The following FRA10AC1 variants were observed in gnomAD, a reference collection of about 807,000 sequenced individuals.
FRA10AC1 encodes the protein protein FRA10AC1.
In FRA10AC1, 43 loss-of-function variants were observed where a neutral mutation model predicts 56.5. The observed-to-expected ratio is 0.76, with a 90% CI of 0.60 to 0.98. The LOEUF is 0.98. Ranked by LOEUF, FRA10AC1 falls within the 50% of genes least tolerant of loss-of-function variation. The probability of loss-of-function intolerance (pLI) is 0.00; values close to 1 mark genes in which losing one functional copy is unlikely to be tolerated. For missense variants in FRA10AC1, 346 were observed against 351.8 expected (o/e 0.98, Z 0.13); for synonymous variants, 112 against 110.5 (o/e 1.01, Z -0.09).
chr10:93,681,171 A>G (rs1479464593), intron 11 of FRA10AC1, among the ~76,000 whole-genome samples: 1 of 152,174 alleles, frequency 6.6e-6, no homozygotes, highest in African/African-American at 2.4e-5. Context: ...CACATAAGAA[A>G]AATAAAGCAG....
In FRA10AC1 at chr10:93,669,839, T is replaced by C; in HGVS notation, c.935A>G (p.Asp312Gly). ...CTCTCTCTCGTCTCATAGAAACAAA[T>C]CCTGAAAATACTCATCAAATTCTTC... Reference protein sequence around the residue: ...QEEEFDEYFQDLFL With the variant: ...QEEEFDEYFQGLFL Residue 312 changes from aspartate to glycine, a missense_variant, in exon 14 of 14, where the codon GAT becomes GGT. Coordinates refer to ENST00000359204, the MANE Select transcript of FRA10AC1 (RefSeq NM_145246.5). 6.3e-7 allele frequency: 1 copy of C among 1,582,380 alleles called. No individual in the cohort carries two copies. The highest frequency in any genetic ancestry group is 1.1e-5 in the South Asian group (1 of 87,192).
At chr10:93,699,488 C>G (rs1225046993) in intron 2 of FRA10AC1, among the ~76,000 whole-genome samples, 5 of 152,156 alleles carry the variant, frequency 3.3e-5, no homozygotes, top group South Asian at 4.2e-4. Flanking sequence ...AGCAGCTCCA[C>G]CAAGACGTAT....
chr10:93,676,569 T>C lies in FRA10AC1; in HGVS notation c.826+84A>G. The C allele has an allele frequency of 3.5e-6, 5 of 1,442,076 alleles. No homozygotes were observed. In the South Asian group the frequency reaches 5.8e-5, roughly 17 times the overall value. The allele number at this position is 1,442,076 out of a possible 1,614,324, so 89.3% of individuals were successfully genotyped here. On this transcript the variant is annotated intron_variant, in intron 12 of 13. Transcript: ENST00000359204. ...TAACAAAAACAAAAAATAATTCACA[T>C]CACAGCAAGATACGATTCATGGGAA... is the stretch of plus-strand genomic sequence containing the variant.
intron 2 of FRA10AC1, among the ~76,000 whole-genome samples, chr10:93,699,548 A>G: frequency 6.6e-6 from 1 of 152,194 alleles, no homozygotes; most frequent in Admixed American, 6.5e-5. Flanking sequence ...TGTCTCTTGC[A>G]ATTCAAAAAA....
chr10:93,673,068 A>G, intron 12 of FRA10AC1: 1 of 228,076 alleles, frequency 4.4e-6, no homozygotes, highest in South Asian at 5.4e-5. Flanking sequence ...CCAATGAATG[A>G]ACTTTCACTG....
At position 93,699,995 on chromosome 10, in the gene FRA10AC1, T is replaced by C. The variant is rs374583259; in HGVS notation, c.77+35A>G. ...ATACTTCATATTAATCTAGAAAGGA[T>C]GTGAAAAATAGATCAATAAAAAAAA... On this transcript the variant is annotated intron_variant, in intron 2 of 13. Transcript: ENST00000359204. 7.3e-6 allele frequency: 8 copies of C among 1,090,670 alleles called. No individual in the cohort carries two copies. The African/African-American group carries it at 1.2e-4, about 17-fold the overall frequency. 67.6% of individuals were successfully genotyped at this position (1,090,670 alleles called of 1,614,324 possible). A position where few individuals can be genotyped will look rare whatever the true frequency, so the allele number is the denominator to read the frequency against.
chr10:93,691,229 G>A (rs907418018), intron 7 of FRA10AC1, among the ~76,000 whole-genome samples: 4 of 152,108 alleles, frequency 2.6e-5, no homozygotes, highest in Non-Finnish European at 5.9e-5. Context: ...ACACTGAAAT[G>A]CAGTGGCACG....
chr10:93,687,098 A>G (rs1292342599), intron 8 of FRA10AC1, among the ~76,000 whole-genome samples: 2 of 151,962 alleles, frequency 1.3e-5, no homozygotes, highest in African/African-American at 4.8e-5. Context: ...GGAAAAAAAT[A>G]AACCTTTCTT....
chr10:93,669,712 C>T lies in FRA10AC1; in HGVS notation c.*114G>A. 1 of 702,438 alleles carries T rather than the reference C, an allele frequency of 1.4e-6. No individual in the cohort carries two copies. Among genetic ancestry groups the T allele is most frequent in the East Asian group, 2.9e-5 (1 of 34,016 alleles). 43.5% of individuals were successfully genotyped at this position (702,438 alleles called of 1,614,324 possible). On this transcript the variant is annotated 3_prime_UTR_variant, in exon 14 of 14. Transcript: ENST00000359204. Reference sequence around the variant, plus strand: ...GAACCTGGATTTTTATTTCCAAAGACAAACCACACAAGCTGTAACTTGCAG... The same window carrying T: ...GAACCTGGATTTTTATTTCCAAAGATAAACCACACAAGCTGTAACTTGCAG...
At chr10:93,682,587 GT>G (rs548230450) in intron 10 of FRA10AC1, among the ~76,000 whole-genome samples, 7 of 152,230 alleles carry the variant, frequency 4.6e-5, no homozygotes, top group Admixed American at 4.6e-4. Flanking sequence ...GACTGCTTGA[GT>G]CCAGGAGTTT....
intron 4 of FRA10AC1, among the ~76,000 whole-genome samples, chr10:93,696,511 G>A (rs2059238347): frequency 1.3e-5 from 2 of 152,216 alleles, no homozygotes; most frequent in Admixed American, 6.5e-5. Flanking sequence ...TGGTGGGAAT[G>A]TAAAATGGTT....
At chr10:93,672,123 A>G (rs1481537763) in intron 12 of FRA10AC1, 1 of 430,728 alleles carries the variant, frequency 2.3e-6, no homozygotes, top group East Asian at 7.2e-5. Flanking sequence ...TGGCCTGTCA[A>G]TACAGAATGT....
At chr10:93,678,391 T>C (rs1340944026) in intron 11 of FRA10AC1, among the ~76,000 whole-genome samples, 2 of 152,322 alleles carry the variant, frequency 1.3e-5, no homozygotes, top group South Asian at 2.1e-4. Flanking sequence ...CTATTACTTA[T>C]TTAACATTTT....
At chr10:93,692,453 A>G (rs960226974) in intron 6 of FRA10AC1, among the ~76,000 whole-genome samples, 193 bp downstream of exon 6, 22 of 152,206 alleles carry the variant, frequency 1.4e-4, no homozygotes, top group African/African-American at 5.3e-4. Flanking sequence ...TTGAAGACTA[A>G]GTCAAACAAT....
Position 93,681,524 on chromosome 10 carries a change from G to T in FRA10AC1, c.743C>A (p.Ser248Tyr). Residue 248 changes from serine to tyrosine, a missense_variant, in exon 11 of 14, where the codon TCC (serine) becomes TAC (tyrosine). Coordinates refer to ENST00000359204, the MANE Select transcript of FRA10AC1 (RefSeq NM_145246.5). ...GGCCTCTTCTGCAGAAGATAATCTG[G>T]ATTTTTTATGTGATGACTCTTCACA... ...KDCEESSHKK[S>Y]RLSSAEEASK... The T allele has an allele frequency of 2.5e-6, 4 of 1,575,978 alleles. No individual in the cohort carries two copies. The highest frequency in any genetic ancestry group is 3.4e-6 in the Non-Finnish European group (4 of 1,166,422).
intron 12 of FRA10AC1, among the ~76,000 whole-genome samples, chr10:93,675,968 G>A (rs571486242): frequency 2.6e-5 from 4 of 152,118 alleles, no homozygotes; most frequent in Admixed American, 6.5e-5. Flanking sequence ...CCAGCAAAAA[G>A]CTGAACACTC....
At chr10:93,695,241 A>G (rs994116044) in intron 4 of FRA10AC1, among the ~76,000 whole-genome samples, 6 of 152,126 alleles carry the variant, frequency 3.9e-5, no homozygotes, top group Non-Finnish European at 2.9e-5. Context: ...AACTGCATAT[A>G]GCCTCCTACC....
At chr10:93,702,706 A>T (rs938815059), upstream of FRA10AC1, 4 of 237,000 alleles carry the variant, frequency 1.7e-5, no homozygotes, top group African/African-American at 7.0e-5. Context: ...AACGGCCCGG[A>T]AAGGGACGAA....
chr10:93,698,958 G>A (rs1165992124), intron 2 of FRA10AC1, among the ~76,000 whole-genome samples: 1 of 151,950 alleles, frequency 6.6e-6, no homozygotes, highest in African/African-American at 2.4e-5. Context: ...TGTATTTTAC[G>A]CAGGCCCAGC....
Sources: allele counts gnomAD v4.1 joint callset (sites outside exome capture counted in the v4.1 genomes callset), GRCh38; gene constraint gnomAD v4.1.1; transcripts MANE v1.5; gene names NCBI Gene and HGNC (gene_info 2026-07-23, HGNC 2026-07-21).